GTF2E1: variants seen among roughly 807,000 people sequenced by gnomAD.
GTF2E1 encodes the protein general transcription factor IIE subunit 1.
Under a neutral mutation model 34.9 loss-of-function variants are expected in GTF2E1, and 14 were observed. That is an observed-to-expected ratio of 0.40 (90% CI 0.27 to 0.63). GTF2E1 has a LOEUF of 0.63. Among genes scored for constraint, GTF2E1 ranks in the 20% least tolerant of loss-of-function variants. The pLI is 0.39. For synonymous variants in GTF2E1, 188 were observed against 192.9 expected (o/e 0.97, Z 0.21); for missense variants, 469 against 557.7 (o/e 0.84, Z 1.60).
chr3:120,769,627 G>A (rs562476934), intron 2 of GTF2E1, among the ~76,000 whole-genome samples: 1 of 152,250 alleles, frequency 6.6e-6, no homozygotes, highest in South Asian at 2.1e-4. Context: ...GGGATTTTTT[G>A]TGGTTTGCAT....
chr3:120,768,540 A>G (rs1305402945), intron 2 of GTF2E1, among the ~76,000 whole-genome samples: 1 of 152,208 alleles, frequency 6.6e-6, no homozygotes, highest in African/African-American at 2.4e-5. Flanking sequence ...TTCTTTAAAA[A>G]CATTTTGAAA....
chr3:120,781,440 A>G lies in GTF2E1; in HGVS notation c.1290A>G (p.Gly430=), dbSNP rs573860349. Residue 430 remains glycine, a synonymous_variant, in exon 5 of 5, where the codon GGA becomes GGG. Transcript: ENST00000283875. ...AAAAGGAAGCATATATAGCAATGGGACAACGCATGTTTGAGGACCTCTTTG... is the reference window on the plus strand; with the variant it reads ...AAAAGGAAGCATATATAGCAATGGGGCAACGCATGTTTGAGGACCTCTTTG... ...PEEKEAYIAM[G]QRMFEDLFE is the part of the protein sequence containing the mutation. 1 of 1,613,802 alleles carries G rather than the reference A, an allele frequency of 6.2e-7. No individual in the cohort carries two copies. The highest frequency in any genetic ancestry group is 1.3e-5 in the African/African-American group (1 of 75,042).
At chr3:120,774,396 A>G (rs556678177) in intron 3 of GTF2E1, among the ~76,000 whole-genome samples, 1 of 152,282 alleles carries the variant, frequency 6.6e-6, no homozygotes, top group Admixed American at 6.5e-5. Flanking sequence ...TGAAGAAGAG[A>G]AAAGTTCGAA....
At chr3:120,766,359 C>T (rs1260798297) in intron 2 of GTF2E1, among the ~76,000 whole-genome samples, 1 of 152,156 alleles carries the variant, frequency 6.6e-6, no homozygotes, top group Non-Finnish European at 1.5e-5. Flanking sequence ...CAGTGTCTTT[C>T]CTAACACCCT....
Position 120,776,467 on chromosome 3 carries a change from G to T in GTF2E1, c.695G>T (p.Gly232Val), listed in dbSNP as rs779378101. The T allele has an allele frequency of 1.2e-6, 2 of 1,613,430 alleles. No individual in the cohort carries two copies. The highest frequency in any genetic ancestry group is 2.7e-5 in the African/African-American group (2 of 74,868). Reference sequence around the variant, plus strand: ...ACTGCTGGAGCTGCTAGCCTAGCAGGTGGGCACCACCGGGAAGCATGGGCC... The same window carrying T: ...ACTGCTGGAGCTGCTAGCCTAGCAGTTGGGCACCACCGGGAAGCATGGGCC... The part of the protein sequence containing the change: ...ATTAGAASLA[G>V]GHHREAWATK... Residue 232 changes from glycine to valine, a missense_variant, in exon 4 of 5, where the codon GGT becomes GTT. Physicochemically the swap from Gly to Val is moderately radical, Grantham distance 109. Transcript: ENST00000283875.
At chr3:120,743,836 G>A (rs747045229) in intron 1 of GTF2E1, among the ~76,000 whole-genome samples, 2 of 152,170 alleles carry the variant, frequency 1.3e-5, no homozygotes, top group African/African-American at 2.4e-5. Flanking sequence ...GTAGACAGAG[G>A]GCAGAGGGTG....
chr3:120,778,451 T>C (rs1709419319), intron 4 of GTF2E1, among the ~76,000 whole-genome samples: 1 of 152,220 alleles, frequency 6.6e-6, no homozygotes, highest in Admixed American at 6.5e-5. Flanking sequence ...TGTTGATATC[T>C]TTCACAATTG....
chr3:120,765,992 A>G (rs188351857), intron 2 of GTF2E1, among the ~76,000 whole-genome samples: 4 of 152,220 alleles, frequency 2.6e-5, no homozygotes, highest in Admixed American at 6.5e-5. Context: ...AAAGGGAAAA[A>G]TTGTGCAGAG....
intron 2 of GTF2E1, among the ~76,000 whole-genome samples, chr3:120,765,685 G>T (rs184799681): frequency 1.3e-5 from 2 of 152,290 alleles, no homozygotes; most frequent in African/African-American, 2.4e-5. Context: ...TCATTTCCTT[G>T]TATGTCAGAT....
chr3:120,746,760 C>T (rs552415992), intron 1 of GTF2E1, among the ~76,000 whole-genome samples: 15 of 152,184 alleles, frequency 9.9e-5, no homozygotes, highest in South Asian at 2.1e-4. Context: ...GTCACACCAC[C>T]GAACTCTAGT....
At chr3:120,778,574 G>T (rs1709420459) in intron 4 of GTF2E1, among the ~76,000 whole-genome samples, 1 of 151,990 alleles carries the variant, frequency 6.6e-6, no homozygotes, top group Non-Finnish European at 1.5e-5. Flanking sequence ...TACAGTTTTT[G>T]TTTATTTTTG....
chr3:120,776,466 G>T lies in GTF2E1; in HGVS notation c.694G>T (p.Gly232Cys). 1 of 1,613,696 alleles carries T rather than the reference G, an allele frequency of 6.2e-7. No individual in the cohort carries two copies. The highest frequency in any genetic ancestry group is 8.5e-7 in the Non-Finnish European group (1 of 1,179,772). ...TACTGCTGGAGCTGCTAGCCTAGCA[G>T]GTGGGCACCACCGGGAAGCATGGGC... is the stretch of plus-strand genomic sequence containing the variant. The part of the protein sequence containing the change: ...ATTAGAASLA[G>C]GHHREAWATK... Residue 232 changes from glycine (G) to cysteine (C), a missense_variant, in exon 4 of 5, where the codon GGT becomes TGT. Physicochemically the swap from Gly to Cys is radical, Grantham distance 159 (BLOSUM62 -3). Coordinates refer to ENST00000283875, the MANE Select transcript of GTF2E1 (RefSeq NM_005513.3).
chr3:120,767,438 T>C (rs1396182002), intron 2 of GTF2E1, among the ~76,000 whole-genome samples: 10 of 152,188 alleles, frequency 6.6e-5, no homozygotes, highest in Non-Finnish European at 5.9e-5. Flanking sequence ...ATGGGCATGC[T>C]TATGCCCATT....
chr3:120,766,780 G>T (rs1354202625), intron 2 of GTF2E1, among the ~76,000 whole-genome samples: 1 of 152,048 alleles, frequency 6.6e-6, no homozygotes. Context: ...GCTTCTTGCT[G>T]ACTGGTTCTG....
chr3:120,746,806 G>T (rs2107604045), intron 1 of GTF2E1, among the ~76,000 whole-genome samples: 1 of 152,266 alleles, frequency 6.6e-6, no homozygotes, highest in South Asian at 2.1e-4. Context: ...TCTATGAAAA[G>T]AAAAACAAAT....
At chr3:120,764,977 C>G (rs754032576) in intron 2 of GTF2E1, among the ~76,000 whole-genome samples, 3 of 148,042 alleles carry the variant, frequency 2.0e-5, no homozygotes, top group African/African-American at 7.4e-5. Flanking sequence ...TTTCAAATTT[C>G]GCTGAGCATT....
chr3:120,743,824 G>A (rs1709079807), intron 1 of GTF2E1, among the ~76,000 whole-genome samples: 1 of 152,196 alleles, frequency 6.6e-6, no homozygotes, highest in African/African-American at 2.4e-5. Context: ...GAGGCTGACA[G>A]GGTAGACAGA....
chr3:120,768,141 T>C (rs1416547499), intron 2 of GTF2E1, among the ~76,000 whole-genome samples: 2 of 152,166 alleles, frequency 1.3e-5, no homozygotes, highest in Non-Finnish European at 2.9e-5. Flanking sequence ...TAATAAAACA[T>C]GTTGGATAAT....
At chr3:120,773,554 C>T (rs1025487374) in intron 3 of GTF2E1, among the ~76,000 whole-genome samples, 1 of 152,128 alleles carries the variant, frequency 6.6e-6, no homozygotes, top group Non-Finnish European at 1.5e-5. Flanking sequence ...GCAAGTCAAC[C>T]TATTGATGAG....
Sources: allele counts gnomAD v4.1 joint callset (sites outside exome capture counted in the v4.1 genomes callset), GRCh38; gene constraint gnomAD v4.1.1; transcripts MANE v1.5; gene names NCBI Gene and HGNC (gene_info 2026-07-23, HGNC 2026-07-21).